The following TRANK1 variants were observed in gnomAD, a reference collection of about 807,000 sequenced individuals.
TRANK1 encodes the protein TPR and ankyrin repeat-containing protein 1.
In TRANK1, 198 loss-of-function variants were observed where a neutral mutation model predicts 266.0. The observed-to-expected ratio is 0.74, with a 90% CI of 0.66 to 0.84. The LOEUF (loss-of-function observed/expected upper bound fraction) is 0.84, where lower values mean the gene tolerates loss of function less well. TRANK1 is among the 40% of genes least tolerant of loss of function. TRANK1 has a pLI of 0.00. For missense variants in TRANK1, 3,326 were observed against 3,634.6 expected (o/e 0.92, Z 2.18); for synonymous variants, 1,396 against 1,384.1 (o/e 1.01, Z -0.19).
chr3:36,904,508 G>A (rs1051933594), intron 2 of TRANK1, among the ~76,000 whole-genome samples: 1 of 146,992 alleles, frequency 6.8e-6, no homozygotes, highest in Non-Finnish European at 1.5e-5. Context: ...AACACAGCAA[G>A]ACTCCGTCTC....
intron 15 of TRANK1, chr3:36,850,690 C>T (rs1181444735): frequency 2.1e-6 from 2 of 963,928 alleles, no homozygotes; most frequent in Non-Finnish European, 2.5e-6. Context: ...GAGACAATGA[C>T]TTCAAAAAGT....
Position 36,832,298 on chromosome 3 carries a change from G to A in TRANK1, c.7285C>T (p.Leu2429Phe), listed in dbSNP as rs1288325370. The change falls in exon 22 of 24, where the codon CTC becomes TTC. Residue 2429 changes from leucine to phenylalanine, a missense_variant. Coordinates refer to ENST00000645898, the MANE Select transcript of TRANK1 (RefSeq NM_001329998.2). ...VYRNPEDYKR[L>F]FFRFMNVLIK... The stretch of plus-strand genomic sequence containing the variant: ...AGGACATTCATGAAACGGAAAAAGA[G>A]CCTCTTGTAGTCTTCTGGGTTCCTG... The A allele has an allele frequency of 6.2e-7, 1 of 1,613,874 alleles. No individual in the cohort carries two copies. The highest frequency in any genetic ancestry group is 8.5e-7 in the Non-Finnish European group (1 of 1,179,904).
intron 1 of TRANK1, among the ~76,000 whole-genome samples, chr3:36,942,886 A>AC (rs1206716995): frequency 6.6e-6 from 1 of 151,834 alleles, no homozygotes; most frequent in Non-Finnish European, 1.5e-5. Context: ...AAAAAAAAAA[A>AC]AAAACATAGA....
chr3:36,912,262 C>T (rs2125636431), intron 1 of TRANK1, among the ~76,000 whole-genome samples: 1 of 151,880 alleles, frequency 6.6e-6, no homozygotes, highest in Non-Finnish European at 1.5e-5. Flanking sequence ...GAAGCAAAGA[C>T]AGGTTAAGCC....
At chr3:36,940,731 CA>C (rs1375358474) in intron 1 of TRANK1, among the ~76,000 whole-genome samples, 2 of 152,168 alleles carry the variant, frequency 1.3e-5, no homozygotes, top group African/African-American at 4.8e-5. Flanking sequence ...CGTTCTATCA[CA>C]ATTAGCAGAG....
chr3:36,835,763 T>C (rs2078763585), intron 20 of TRANK1, among the ~76,000 whole-genome samples: 1 of 152,232 alleles, frequency 6.6e-6, no homozygotes, highest in Non-Finnish European at 1.5e-5. Context: ...CACATCTGAA[T>C]GTTGGGCCTT....
In TRANK1 at chr3:36,918,468, GAAGA is replaced by G. The variant is rs148120910; in HGVS notation, c.24-10018_24-10015del. ...ATAAAGCAAAAACCCAGAAAGAAAA[GAAGA>G]AAGAAAGAAAGAAAGAAAGAAAGAA... On this transcript the variant is annotated intron_variant, in intron 1 of 23. Transcript: ENST00000645898. Among the ~76,000 whole-genome samples, 145 of 31,178 alleles carry G rather than the reference GAAGA, an allele frequency of 4.7e-3. 2 individuals are homozygous for G. Among genetic ancestry groups the G allele is most frequent in the Admixed American group, 8.0e-3 (19 of 2,372 alleles). 20.5% of individuals were successfully genotyped at this position (31,178 alleles called of 152,430 possible). A position where few individuals can be genotyped will look rare whatever the true frequency, so the allele number is the denominator to read the frequency against.
At chr3:36,901,320 TGAA>T (rs1358684231) in intron 3 of TRANK1, among the ~76,000 whole-genome samples, 2 of 152,162 alleles carry the variant, frequency 1.3e-5, no homozygotes, top group Non-Finnish European at 2.9e-5. Flanking sequence ...TTTATGGCCA[TGAA>T]GAAGAGAGAA....
At chr3:36,840,363 A>G (rs777640226) in intron 18 of TRANK1, among the ~76,000 whole-genome samples, 1 of 152,204 alleles carries the variant, frequency 6.6e-6, no homozygotes, top group Non-Finnish European at 1.5e-5. Context: ...AATACTACAT[A>G]CTTAGGAAAA....
chr3:36,857,338 A>T lies in TRANK1; in HGVS notation c.2384T>A (p.Leu795His). 6.2e-7 allele frequency: 1 copy of T among 1,608,084 alleles called. No individual in the cohort carries two copies. The highest frequency in any genetic ancestry group is 8.5e-7 in the Non-Finnish European group (1 of 1,177,198). Reference sequence around the variant, plus strand: ...ATCAGGCACAAGCTGCAAGGCCCCAAGGCCCACCTGAGCATGTCCTTCCCC... The same window carrying T: ...ATCAGGCACAAGCTGCAAGGCCCCATGGCCCACCTGAGCATGTCCTTCCCC... The part of the protein sequence containing the change: ...EVGEGHAQVG[L>H]GALQLVPDDN... Residue 795 changes from leucine to histidine, a missense_variant, in exon 13 of 24, where the codon CTT becomes CAT. Transcript: ENST00000645898. The surrounding 1 kb of genome is among the most constrained non-coding windows in gnomAD (Gnocchi z 4.3).
At chr3:36,925,442 C>G (rs999123664) in intron 1 of TRANK1, among the ~76,000 whole-genome samples, 2 of 151,828 alleles carry the variant, frequency 1.3e-5, no homozygotes, top group Non-Finnish European at 2.9e-5. Context: ...AGATAAGACT[C>G]GTTATTTATG....
chr3:36,859,511 A>G (rs2079106012), intron 11 of TRANK1, among the ~76,000 whole-genome samples: 1 of 151,918 alleles, frequency 6.6e-6, no homozygotes, highest in Admixed American at 6.6e-5. Context: ...GAGTGAGAAC[A>G]TGCCACATCC....
Position 36,889,865 on chromosome 3 carries a change from C to T in TRANK1, c.871G>A (p.Val291Ile), listed in dbSNP as rs536532005. 6.4e-5 allele frequency: 98 copies of T among 1,536,934 alleles called. 1 individual carries two copies. Among genetic ancestry groups the T allele is most frequent in the South Asian group, 3.3e-4 (28 of 84,004 alleles). The part of the protein sequence containing the change: ...KDGDGCTVLH[V>I]VAAHSPGYLV... ...TATCCTGGGGAGTGGGCAGCGACGA[C>T]GTGCAGGACAGTGCAGCCATCCCCA... is the stretch of plus-strand genomic sequence containing the variant. The change falls in exon 8 of 24, where the codon GTC becomes ATC. Residue 291 changes from valine to isoleucine, a missense_variant. Transcript: ENST00000645898.
chr3:36,871,535 A>G lies in TRANK1; in HGVS notation c.1078+2591T>C, dbSNP rs115527113. 3.1e-3 allele frequency among the ~76,000 whole-genome samples: 466 copies of G among 152,342 alleles called. 2 individuals carry two copies. The highest frequency in any genetic ancestry group is 9.3e-3 in the African/African-American group (388 of 41,588). ...TCATGGAAACCATTCTGAAACTGAG[A>G]TGATATGCACAAGCTCTCAAAAAGC... is the stretch of plus-strand genomic sequence containing the variant. On this transcript the variant is annotated intron_variant, in intron 9 of 23. Transcript: ENST00000645898.
At position 36,857,720 on chromosome 3, in the gene TRANK1, A is replaced by G. The variant is rs749780034; in HGVS notation, c.2002T>C (p.Ser668Pro). ...QDSAAHLGKL[S>P]KSTAPGHTSQ... ...GTGTGACCAGGGGCAGTGGACTTTG[A>G]GAGCTTCCCCAGGTGGGCAGCAGAG... Residue 668 changes from serine (S) to proline (P), a missense_variant, in exon 13 of 24, where the codon TCA (serine) becomes CCA (proline). Transcript: ENST00000645898. This position sits in a 1 kb window ranked among gnomAD's most constrained non-coding sequence, Gnocchi z 4.3. 6.2e-7 allele frequency: 1 copy of G among 1,613,952 alleles called. No homozygotes were observed. Among genetic ancestry groups the G allele is most frequent in the Non-Finnish European group, 8.5e-7 (1 of 1,179,880 alleles).
At chr3:36,890,582 G>T (rs2079678177) in intron 7 of TRANK1, among the ~76,000 whole-genome samples, 1 of 152,192 alleles carries the variant, frequency 6.6e-6, no homozygotes, top group African/African-American at 2.4e-5. Flanking sequence ...ACAACAGGTG[G>T]GGGTGAGGGG....
Position 36,834,862 on chromosome 3 carries a change from C to T in TRANK1, c.5563G>A (p.Asp1855Asn). Residue 1855 changes from aspartate to asparagine, a missense_variant, in exon 21 of 24, where the codon GAC becomes AAC. Transcript: ENST00000645898. ...ATCTGCTCAAAGCATCTGAAAGCGT[C>T]TTTGTAGCACTGGCTTCGCTTATAG... ...YFYKRSQCYK[D>N]AFRCFEQIQE... 6.2e-7 allele frequency: 1 copy of T among 1,613,612 alleles called. No homozygotes were observed. The highest frequency in any genetic ancestry group is 8.5e-7 in the Non-Finnish European group (1 of 1,179,760).
chr3:36,831,665 C>G lies in TRANK1; in HGVS notation c.7918G>C (p.Glu2640Gln). The G allele has an allele frequency of 6.2e-7, 1 of 1,614,020 alleles. No individual in the cohort carries two copies. The highest frequency in any genetic ancestry group is 1.1e-5 in the South Asian group (1 of 91,084). ...ALQDLLFERDEEYLMDCDWRW... is the reference protein window; with the variant it reads ...ALQDLLFERDQEYLMDCDWRW... Reference sequence around the variant, plus strand: ...CAGTCACAGTCCATTAGGTACTCTTCATCCCGCTCAAAGAGCAGGTCCTGC... The same window carrying G: ...CAGTCACAGTCCATTAGGTACTCTTGATCCCGCTCAAAGAGCAGGTCCTGC... The change falls in exon 22 of 24, where the codon GAA becomes CAA. Residue 2640 changes from glutamate (E) to glutamine (Q), a missense_variant. Transcript: ENST00000645898. The surrounding 1 kb of genome is among the most constrained non-coding windows in gnomAD (Gnocchi z 5.0).
rs1177567679 is a variant in TRANK1, at chr3:36,857,798, G to C, written c.1924C>G (p.Leu642Val). ...RHRIKKNDSL[L>V]LAWNKALMEN... ...ATCAGAGCTTTGTTCCAGGCCAAGAGCAGAGAGTCGTTCTTCTTAATCCGG... is the reference window on the plus strand; with the variant it reads ...ATCAGAGCTTTGTTCCAGGCCAAGACCAGAGAGTCGTTCTTCTTAATCCGG... The change falls in exon 13 of 24, where the codon CTC becomes GTC. Residue 642 changes from leucine (L) to valine (V), a missense_variant. By Grantham distance (32) the Leu-to-Val change is conservative. Transcript: ENST00000645898. The surrounding 1 kb of genome is among the most constrained non-coding windows in gnomAD (Gnocchi z 4.3). The C allele has an allele frequency of 6.2e-7, 1 of 1,613,974 alleles. No individual in the cohort carries two copies. Among genetic ancestry groups the C allele is most frequent in the African/African-American group, 1.3e-5 (1 of 75,054 alleles).
Sources: gnomAD v4.1 joint callset for allele counts (sites outside exome capture counted in the v4.1 genomes callset) on GRCh38, gnomAD v4.1.1 for gene constraint, Gnocchi (gnomAD v3.1) non-coding constraint, MANE v1.5 for transcripts, NCBI Gene and HGNC (gene_info 2026-07-23, HGNC 2026-07-21) for gene names.